Variants in ST6GAL1 observed in about 807,000 individuals in gnomAD.
The protein encoded by ST6GAL1 is ST6 beta-galactoside alpha-2,6-sialyltransferase 1.
Under a neutral mutation model 38.0 loss-of-function variants are expected in ST6GAL1, and 20 were observed. The ratio of observed to expected loss-of-function variants is 0.53; its 90% CI spans 0.37 to 0.77. The LOEUF (loss-of-function observed/expected upper bound fraction) is 0.77, where lower values mean the gene tolerates loss of function less well. ST6GAL1 is among the 30% of genes least tolerant of loss of function. The probability of loss-of-function intolerance (pLI) is 0.00; values close to 1 mark genes in which losing one functional copy is unlikely to be tolerated. For synonymous variants in ST6GAL1, 196 were observed against 188.2 expected, an observed-to-expected ratio of 1.04 and a Z score of -0.34; for missense variants, 432 against 496.4, an observed-to-expected ratio of 0.87 and a Z score of 1.23.
chr3:186,930,898 A>AGGGGCGCGGGAGGATAGCG (rs1713717959), intron 1 of ST6GAL1, 64 bp downstream of exon 1: 1 of 153,000 alleles, frequency 6.5e-6, no homozygotes, highest in African/African-American at 2.4e-5. Context: ...TGTGATGCAA[A>AGGGGCGCGGGAGGATAGCG]GGGGCGCGGG....
At chr3:187,070,713 G>A (rs996956640) in intron 5 of ST6GAL1, among the ~76,000 whole-genome samples, 10 of 151,972 alleles carry the variant, frequency 6.6e-5, no homozygotes, top group East Asian at 1.9e-4. Context: ...GTGAGCCACC[G>A]CACCCGGCCC....
At position 186,984,206 on chromosome 3, in the gene ST6GAL1, C is replaced by T. The variant is rs548111586; in HGVS notation, c.-183+20280C>T. The stretch of plus-strand genomic sequence containing the variant: ...TCAAAGCACGTCTAAAATATACCCA[C>T]TTCTCTGCCTCCACTGCAACCAGCT... On this transcript the variant is annotated intron_variant, in intron 2 of 7. Coordinates refer to ENST00000169298, the MANE Select transcript of ST6GAL1 (RefSeq NM_173216.2). 3.9e-5 allele frequency among the ~76,000 whole-genome samples: 6 copies of T among 152,322 alleles called. No homozygotes were observed. The South Asian group carries it at 1.2e-3, about 32-fold the overall frequency.
chr3:187,067,030 C>T (rs1719171286), intron 5 of ST6GAL1, among the ~76,000 whole-genome samples: 1 of 150,876 alleles, frequency 6.6e-6, no homozygotes, highest in Non-Finnish European at 1.5e-5. Context: ...GGAACCCATG[C>T]TTCCAATTCC....
chr3:186,996,566 G>C, intron 2 of ST6GAL1: 1 of 152,168 alleles, frequency 6.6e-6, no homozygotes, highest in Admixed American at 6.6e-5. Flanking sequence ...TAAGCTCCAA[G>C]AACTTACGGC....
intron 2 of ST6GAL1, among the ~76,000 whole-genome samples, chr3:186,997,079 T>C (rs1716437905): frequency 6.6e-6 from 1 of 151,964 alleles, no homozygotes; most frequent in Admixed American, 6.6e-5. Flanking sequence ...GGGAGATTTG[T>C]TTTTAGAGAC....
intron 1 of ST6GAL1, among the ~76,000 whole-genome samples, chr3:186,943,933 TAA>T (rs1714268877): frequency 6.6e-6 from 1 of 152,260 alleles, no homozygotes; most frequent in Non-Finnish European, 1.5e-5. Flanking sequence ...GCTTGCTGGC[TAA>T]GACGATTGTT....
At chr3:187,022,254 G>A (rs551722433) in intron 2 of ST6GAL1, among the ~76,000 whole-genome samples, 3 of 151,942 alleles carry the variant, frequency 2.0e-5, no homozygotes, top group East Asian at 1.9e-4. Flanking sequence ...TGTTGGGGTG[G>A]GACCCCCACA....
At chr3:187,002,993 A>G (rs1031964611) in intron 2 of ST6GAL1, among the ~76,000 whole-genome samples, 1 of 152,258 alleles carries the variant, frequency 6.6e-6, no homozygotes, top group African/African-American at 2.4e-5. Context: ...ATGGAAACTG[A>G]CAATTACCAA....
At chr3:186,969,147 G>T (rs954838839) in intron 2 of ST6GAL1, among the ~76,000 whole-genome samples, 1 of 149,316 alleles carries the variant, frequency 6.7e-6, no homozygotes, top group South Asian at 2.1e-4. Context: ...TGCCTCCGGG[G>T]TTCAAGCGAT....
At chr3:186,977,998 G>A (rs908888901) in intron 2 of ST6GAL1, among the ~76,000 whole-genome samples, 2 of 152,108 alleles carry the variant, frequency 1.3e-5, no homozygotes, top group African/African-American at 2.4e-5. Flanking sequence ...AGGATCACCT[G>A]AGGTCAGGAG....
At chr3:186,966,377 A>C (rs748512920) in intron 2 of ST6GAL1, among the ~76,000 whole-genome samples, 5 of 152,146 alleles carry the variant, frequency 3.3e-5, no homozygotes, top group Non-Finnish European at 5.9e-5. Context: ...ACGGATGTGG[A>C]AATTGGGTCT....
chr3:186,983,808 C>T (rs571624263), intron 2 of ST6GAL1, among the ~76,000 whole-genome samples: 1 of 152,144 alleles, frequency 6.6e-6, no homozygotes, highest in African/African-American at 2.4e-5. Context: ...AGGTTTACGC[C>T]CAGGAATCCT....
intron 2 of ST6GAL1, among the ~76,000 whole-genome samples, chr3:187,000,180 T>A (rs1716568667): frequency 6.6e-6 from 1 of 152,310 alleles, no homozygotes; most frequent in South Asian, 2.1e-4. Flanking sequence ...TGTTCACTTG[T>A]AACAATGGTC....
At chr3:186,958,893 C>T (rs975835425) in intron 1 of ST6GAL1, among the ~76,000 whole-genome samples, 5 of 147,946 alleles carry the variant, frequency 3.4e-5, no homozygotes, top group East Asian at 4.0e-4. Flanking sequence ...GCGGAGGTTG[C>T]GGTGAGCAGA....
intron 1 of ST6GAL1, among the ~76,000 whole-genome samples, chr3:186,962,356 C>G (rs1714964304): frequency 6.6e-6 from 1 of 152,232 alleles, no homozygotes; most frequent in South Asian, 2.1e-4. Context: ...CCCTCTTTCC[C>G]AAGCTTGATT....
intron 2 of ST6GAL1, among the ~76,000 whole-genome samples, chr3:186,988,835 G>A (rs1162259881): frequency 6.6e-6 from 1 of 152,082 alleles, no homozygotes; most frequent in Non-Finnish European, 1.5e-5. Context: ...GATGGCTTGA[G>A]TCCGAGAGGT....
At chr3:187,056,672 C>G (rs1270167138) in intron 5 of ST6GAL1, among the ~76,000 whole-genome samples, 1 of 152,214 alleles carries the variant, frequency 6.6e-6, no homozygotes, top group Non-Finnish European at 1.5e-5. Flanking sequence ...GAGAGATCTG[C>G]TGTTAGTCTG....
chr3:186,967,499 A>G (rs1157875206), intron 2 of ST6GAL1, among the ~76,000 whole-genome samples: 1 of 152,194 alleles, frequency 6.6e-6, no homozygotes, highest in African/African-American at 2.4e-5. Context: ...GCCCGAACAC[A>G]GAGTTTTAAG....
rs572364295 is a variant in ST6GAL1, at chr3:187,030,362, G to A, written c.-182-8380G>A. Among the ~76,000 whole-genome samples, 5 of 152,332 alleles carry A rather than the reference G, an allele frequency of 3.3e-5. No homozygotes were observed. The East Asian group carries it at 9.6e-4, about 29-fold the overall frequency. On this transcript the variant is annotated intron_variant, in intron 2 of 7. Coordinates refer to ENST00000169298, the MANE Select transcript of ST6GAL1 (RefSeq NM_173216.2). Reference sequence around the variant, plus strand: ...CTAACACTTGCTAGAGGCAACAAGTGTTAGAGGTTCACCATCTGAGTCTAT... The same window carrying A: ...CTAACACTTGCTAGAGGCAACAAGTATTAGAGGTTCACCATCTGAGTCTAT...
Sources: allele counts gnomAD v4.1 joint callset (sites outside exome capture counted in the v4.1 genomes callset), GRCh38; gene constraint gnomAD v4.1.1; transcripts MANE v1.5; gene names NCBI Gene and HGNC (gene_info 2026-07-23, HGNC 2026-07-21).